Variants in ACSS3 observed in about 807,000 individuals in gnomAD.
The protein encoded by ACSS3 is acyl-CoA synthetase short chain family member 3.
A neutral mutation model predicts 84.2 loss-of-function variants in ACSS3; 64 were observed. The ratio of observed to expected loss-of-function variants is 0.76; its 90% CI spans 0.62 to 0.94. The LOEUF (loss-of-function observed/expected upper bound fraction) is 0.94, where lower values mean the gene tolerates loss of function less well. Ranked by LOEUF, ACSS3 falls within the 40% of genes least tolerant of loss-of-function variation. The pLI is 0.00. For synonymous variants in ACSS3, 317 were observed against 310.1 expected (o/e 1.02, Z -0.23); for missense variants, 815 against 867.6 (o/e 0.94, Z 0.76).
At chr12:81,213,843 C>CT (rs1565723848) in intron 9 of ACSS3, among the ~76,000 whole-genome samples, 32 of 118,148 alleles carry the variant, frequency 2.7e-4, no homozygotes, top group South Asian at 6.8e-4. Flanking sequence ...CTTCTCTTCT[C>CT]TCCTCTCCTC....
At position 81,107,503 on chromosome 12, in the gene ACSS3, A is replaced by AAT. The variant is rs1307138595; in HGVS notation, c.312-2051_312-2050dup. Among the ~76,000 whole-genome samples the AAT allele has an allele frequency of 7.7e-3, 457 of 59,548 alleles. 75 individuals carry two copies. The highest frequency in any genetic ancestry group is 0.013 in the South Asian group (18 of 1,378). The allele number at this position is 59,548 out of a possible 152,430, so 39.1% of individuals were successfully genotyped here. ...AGAAATGTTTTTTTTTTCAGGTACA[A>AAT]ATATATACATATATATATATATATA... On this transcript the variant is annotated intron_variant, in intron 1 of 15. Coordinates refer to ENST00000548058, the MANE Select transcript of ACSS3 (RefSeq NM_024560.4).
intron 7 of ACSS3, among the ~76,000 whole-genome samples, chr12:81,159,784 T>A (rs1887061213): frequency 1.3e-5 from 2 of 152,242 alleles, no homozygotes; most frequent in Non-Finnish European, 2.9e-5. Flanking sequence ...TGTATGCGCA[T>A]TCACATGTGT....
intron 1 of ACSS3, among the ~76,000 whole-genome samples, chr12:81,103,358 G>A (rs1882688031): frequency 6.6e-6 from 1 of 152,116 alleles, no homozygotes; most frequent in Non-Finnish European, 1.5e-5. Context: ...TTTAAAACCT[G>A]CCCACGAATT....
chr12:81,160,647 T>C (rs1034768773), intron 7 of ACSS3, among the ~76,000 whole-genome samples: 1 of 152,238 alleles, frequency 6.6e-6, no homozygotes, highest in Non-Finnish European at 1.5e-5. Flanking sequence ...CTTTAATTGG[T>C]TTTCTTGAAT....
chr12:81,229,338 C>G (rs1025860691), intron 11 of ACSS3, among the ~76,000 whole-genome samples: 6 of 151,804 alleles, frequency 4.0e-5, no homozygotes, highest in Non-Finnish European at 5.9e-5. Flanking sequence ...AATGTTATCT[C>G]TCTTTGTCCA....
chr12:81,181,391 T>A (rs140463124), intron 8 of ACSS3, among the ~76,000 whole-genome samples: 2,495 of 152,048 alleles, frequency 0.016, 35 homozygotes, highest in Non-Finnish European at 0.027. Context: ...CAGGTGAAAG[T>A]TTTTCCCTAT....
At chr12:81,216,120 ATATT>A (rs1276053219) in intron 9 of ACSS3, among the ~76,000 whole-genome samples, 2 of 151,230 alleles carry the variant, frequency 1.3e-5, no homozygotes, top group Non-Finnish European at 2.9e-5. Context: ...TTATCCATAT[ATATT>A]ATATATTTTT....
At chr12:81,128,354 C>T (rs142909643) in intron 2 of ACSS3, among the ~76,000 whole-genome samples, 1 of 152,074 alleles carries the variant, frequency 6.6e-6, no homozygotes, top group Non-Finnish European at 1.5e-5. Context: ...CAAAATGATT[C>T]ATCTAATTTC....
At chr12:81,110,306 T>C (rs1883471868) in intron 2 of ACSS3, among the ~76,000 whole-genome samples, 1 of 152,204 alleles carries the variant, frequency 6.6e-6, no homozygotes, top group Non-Finnish European at 1.5e-5. Context: ...GTTATTGCCT[T>C]AGATACTCCT....
chr12:81,155,231 T>G (rs1886805723), intron 7 of ACSS3, among the ~76,000 whole-genome samples: 1 of 152,210 alleles, frequency 6.6e-6, no homozygotes, highest in Non-Finnish European at 1.5e-5. Context: ...TTTCTTCTCT[T>G]TGTTTCTTTC....
intron 12 of ACSS3, 131 bp downstream of exon 12, chr12:81,231,269 A>C: frequency 1.5e-6 from 1 of 663,884 alleles, no homozygotes; most frequent in Non-Finnish European, 2.5e-6. Flanking sequence ...ACCAGTTTCC[A>C]GCTCCCAGGG....
chr12:81,123,305 G>A (rs542785147), intron 2 of ACSS3, among the ~76,000 whole-genome samples: 20 of 152,178 alleles, frequency 1.3e-4, no homozygotes, highest in Admixed American at 1.2e-3. Flanking sequence ...AAGATCCTAC[G>A]GTTTTGCTTT....
At chr12:81,194,528 T>C (rs2031734746) in intron 8 of ACSS3, among the ~76,000 whole-genome samples, 1 of 151,932 alleles carries the variant, frequency 6.6e-6, no homozygotes, top group South Asian at 2.1e-4. Context: ...ATTCAATAAA[T>C]AGTAAAGTGA....
chr12:81,218,780 C>T (rs1186475550), intron 10 of ACSS3, among the ~76,000 whole-genome samples: 2 of 152,084 alleles, frequency 1.3e-5, no homozygotes, highest in Middle Eastern at 3.4e-3. Context: ...GCTTTCTTCC[C>T]TCATGTAACT....
chr12:81,252,602 C>T (rs1400011786), intron 13 of ACSS3, among the ~76,000 whole-genome samples: 1 of 149,002 alleles, frequency 6.7e-6, no homozygotes, highest in Non-Finnish European at 1.5e-5. Context: ...GTCCCGTCAC[C>T]ATATATATAT....
rs563034534 is a variant in ACSS3, at chr12:81,155,145, A to T, written c.1098+3049A>T. ...CACAGTGCATAGCACACACTACACA[A>T]TTAATAAATACTTGTGGAACTAAAT... On this transcript the variant is annotated intron_variant, in intron 7 of 15. Transcript: ENST00000548058. Among the ~76,000 whole-genome samples the T allele has an allele frequency of 2.0e-5, 3 of 152,306 alleles. No individual in the cohort carries two copies. The South Asian group carries it at 6.2e-4, about 32-fold the overall frequency.
intron 1 of ACSS3, among the ~76,000 whole-genome samples, chr12:81,104,980 G>C (rs1050557238): frequency 1.3e-5 from 2 of 152,116 alleles, no homozygotes. Context: ...CCCAAAGAGC[G>C]TATGTTAAAT....
intron 9 of ACSS3, among the ~76,000 whole-genome samples, chr12:81,204,710 T>G (rs946023670): frequency 2.6e-5 from 4 of 152,128 alleles, no homozygotes; most frequent in Non-Finnish European, 1.5e-5. Context: ...GGACACTACC[T>G]GTGTACTTAC....
intron 8 of ACSS3, among the ~76,000 whole-genome samples, chr12:81,178,145 T>C (rs1188972145): frequency 4.0e-5 from 6 of 151,574 alleles, no homozygotes; most frequent in Admixed American, 3.9e-4. Flanking sequence ...TAAAAAATGA[T>C]GAGTTCATGT....
Sources: allele counts gnomAD v4.1 joint callset (sites outside exome capture counted in the v4.1 genomes callset), GRCh38; gene constraint gnomAD v4.1.1; transcripts MANE v1.5; gene names NCBI Gene and HGNC (gene_info 2026-07-23, HGNC 2026-07-21).